Variants in PRPSAP2 observed in about 807,000 individuals in gnomAD.
PRPSAP2 encodes the protein phosphoribosyl pyrophosphate synthetase associated protein 2.
PRPSAP2 carries 24 observed loss-of-function variants against 40.6 expected under a neutral mutation model. The ratio of observed to expected loss-of-function variants is 0.59; its 90% CI spans 0.43 to 0.83. The LOEUF is 0.83. PRPSAP2 is among the 40% of genes least tolerant of loss of function. PRPSAP2 has a pLI of 0.00. For synonymous variants in PRPSAP2, 149 were observed against 164.7 expected (o/e 0.90, Z 0.73); for missense variants, 292 against 465.6 (o/e 0.63, Z 3.43).
At chr17:18,882,523 C>T (rs1019461216) in intron 6 of PRPSAP2, 45 bp from the exon 7 acceptor site, 1 of 1,224,670 alleles carries the variant, frequency 8.2e-7, no homozygotes, top group East Asian at 2.4e-5. Context: ...AAAAAAAAAA[C>T]AAAAACAAAA....
intron 7 of PRPSAP2, among the ~76,000 whole-genome samples, chr17:18,886,647 C>T (rs918614015): frequency 1.1e-4 from 17 of 152,004 alleles, no homozygotes; most frequent in Middle Eastern, 3.2e-3. Flanking sequence ...TGTGAGCCAC[C>T]GCGCCCAGCC....
At chr17:18,927,706 A>G (rs1194291758) in intron 10 of PRPSAP2, among the ~76,000 whole-genome samples, 3 of 152,196 alleles carry the variant, frequency 2.0e-5, no homozygotes, top group African/African-American at 4.8e-5. Context: ...ATACTCTTAT[A>G]AGAGACTGTC....
intron 4 of PRPSAP2, among the ~76,000 whole-genome samples, chr17:18,872,272 CAAA>C (rs368082910): frequency 2.6e-5 from 2 of 77,432 alleles, no homozygotes; most frequent in Non-Finnish European, 2.7e-5. Flanking sequence ...GACTCCGTCT[CAAA>C]AAAAAAAAAA....
At chr17:18,879,411 A>T (rs1326605034) in intron 6 of PRPSAP2, among the ~76,000 whole-genome samples, 2 of 152,100 alleles carry the variant, frequency 1.3e-5, no homozygotes, top group Non-Finnish European at 2.9e-5. Context: ...CAGCCCCCAG[A>T]GTAGCTGGGA....
intron 9 of PRPSAP2, among the ~76,000 whole-genome samples, chr17:18,915,025 C>CCT (rs2041222539): frequency 7.7e-6 from 1 of 130,200 alleles, no homozygotes. Flanking sequence ...TGCACCCGAC[C>CCT]TTTTTTTTTT....
chr17:18,917,581 ATTATTTTTTTTTTTTTTT>A (rs1432722688), intron 9 of PRPSAP2: 4 of 36,206 alleles, frequency 1.1e-4, no homozygotes, highest in African/African-American at 5.1e-4. Flanking sequence ...TATTATTATT[ATTATTTTTTTTTTTTTTT>A]TTTTTTTTTT....
chr17:18,869,870 C>CA (rs1238741528), intron 4 of PRPSAP2, among the ~76,000 whole-genome samples: 1 of 58,474 alleles, frequency 1.7e-5, no homozygotes, highest in African/African-American at 6.9e-5. Context: ...GTGTGTGAGA[C>CA]AGAGTCTTGC....
intron 10 of PRPSAP2, among the ~76,000 whole-genome samples, chr17:18,924,934 A>C (rs1439351547): frequency 1.3e-5 from 2 of 152,186 alleles, no homozygotes; most frequent in East Asian, 3.9e-4. Flanking sequence ...AGCCTGGCCA[A>C]CATGGTGAAA....
At chr17:18,907,833 A>G (rs2040691189) in intron 8 of PRPSAP2, among the ~76,000 whole-genome samples, 1 of 152,084 alleles carries the variant, frequency 6.6e-6, no homozygotes, top group Non-Finnish European at 1.5e-5. Flanking sequence ...AGTATTTAGA[A>G]CCAAATGAAA....
chr17:18,923,437 T>A (rs980217859), intron 9 of PRPSAP2, among the ~76,000 whole-genome samples: 1 of 152,134 alleles, frequency 6.6e-6, no homozygotes, highest in Non-Finnish European at 1.5e-5. Context: ...CTCTTTTGAT[T>A]GTTCAGTGCT....
At chr17:18,857,803 G>T, upstream of PRPSAP2, 1 of 152,452 alleles carries the variant, frequency 6.6e-6, no homozygotes. Context: ...CAAGCTCAGA[G>T]GGTTGAAATG....
Position 18,865,883 on chromosome 17 carries a change from A to G in PRPSAP2, c.50A>G (p.Lys17Arg). 6.5e-7 allele frequency: 1 copy of G among 1,549,250 alleles called. No homozygotes were observed. The highest frequency in any genetic ancestry group is 8.8e-7 in the Non-Finnish European group (1 of 1,140,096). The change falls in exon 3 of 12, where the codon AAA becomes AGA. Residue 17 changes from lysine (K) to arginine (R), a missense_variant. This residue lies in a region of PRPSAP2 where 51 missense variants were observed against 40.0 expected (regional missense o/e 1.28). Transcript: ENST00000268835. ...TTAGAAACCAAGATGAACATAACCAAAGGTGGTCTGGTGTTGTTTTCAGCA... is the reference window on the plus strand; with the variant it reads ...TTAGAAACCAAGATGAACATAACCAGAGGTGGTCTGGTGTTGTTTTCAGCA... ...PELETKMNITKGGLVLFSANS... is the reference protein window; with the variant it reads ...PELETKMNITRGGLVLFSANS...
intron 4 of PRPSAP2, among the ~76,000 whole-genome samples, chr17:18,871,534 A>G (rs140678078): frequency 1.5e-3 from 231 of 152,192 alleles, no homozygotes; most frequent in African/African-American, 5.4e-3. Context: ...CTGATCACAC[A>G]TATTTTGAGA....
intron 11 of PRPSAP2, chr17:18,929,768 A>G (rs2042162795): frequency 6.6e-6 from 1 of 152,182 alleles, no homozygotes; most frequent in African/African-American, 2.4e-5. Flanking sequence ...TGTTGATAGA[A>G]AAAATTTTTT....
At chr17:18,913,945 G>A (rs2041132044) in intron 9 of PRPSAP2, among the ~76,000 whole-genome samples, 1 of 151,576 alleles carries the variant, frequency 6.6e-6, no homozygotes, top group Non-Finnish European at 1.5e-5. Context: ...GGAGGCCGAG[G>A]CAGGTGGATC....
At chr17:18,876,181 A>C (rs1176660826) in intron 5 of PRPSAP2, among the ~76,000 whole-genome samples, 1 of 152,220 alleles carries the variant, frequency 6.6e-6, no homozygotes, top group African/African-American at 2.4e-5. Context: ...GATACATCTT[A>C]TACTTCATTT....
At chr17:18,916,884 G>A (rs879232680) in intron 9 of PRPSAP2, among the ~76,000 whole-genome samples, 1 of 152,186 alleles carries the variant, frequency 6.6e-6, no homozygotes, top group Middle Eastern at 3.2e-3. Flanking sequence ...GAAGGCAGAG[G>A]CCTTGAGCCT....
intron 8 of PRPSAP2, among the ~76,000 whole-genome samples, chr17:18,892,984 G>A (rs79808212): frequency 0.086 from 12,963 of 151,558 alleles, 644 homozygotes; most frequent in African/African-American, 0.13. Flanking sequence ...TTTAATAATT[G>A]GGTTGTCTTT....
intron 8 of PRPSAP2, among the ~76,000 whole-genome samples, chr17:18,892,403 C>T (rs2039604506): frequency 6.6e-6 from 1 of 151,952 alleles, no homozygotes; most frequent in Non-Finnish European, 1.5e-5. Context: ...GAGGAACTAT[C>T]AGTCTCTTTT....
Sources: allele counts gnomAD v4.1 joint callset (sites outside exome capture counted in the v4.1 genomes callset), GRCh38; gene constraint gnomAD v4.1.1; regional missense constraint gnomAD v4.1.1; transcripts MANE v1.5; gene names NCBI Gene and HGNC (gene_info 2026-07-23, HGNC 2026-07-21).